Variants in ATP9A observed in about 807,000 individuals in gnomAD.
ATP9A encodes ATPase phospholipid transporting 9A, also known as probable phospholipid-transporting ATPase IIA.
Under a neutral mutation model 144.1 loss-of-function variants are expected in ATP9A, and 52 were observed. The observed-to-expected ratio is 0.36, with a 90% confidence interval of 0.29 to 0.45. The LOEUF (loss-of-function observed/expected upper bound fraction) is 0.45. Among genes scored for constraint, ATP9A ranks in the 20% least tolerant of loss-of-function variants. ATP9A has a pLI of 1.00. For missense variants in ATP9A, 947 were observed against 1,392.7 expected (o/e 0.68, Z 5.09); for synonymous variants, 582 against 557.4 (o/e 1.04, Z -0.62).
chr20:51,726,980 T>C (rs908937165), intron 2 of ATP9A, among the ~76,000 whole-genome samples: 3 of 140,756 alleles, frequency 2.1e-5, no homozygotes, highest in African/African-American at 7.9e-5. Flanking sequence ...TGCTATAAGG[T>C]TGAGTGCAAA....
At chr20:51,662,142 G>A (rs1488740839) in intron 13 of ATP9A, among the ~76,000 whole-genome samples, 1 of 152,348 alleles carries the variant, frequency 6.6e-6, no homozygotes, top group South Asian at 2.1e-4. Context: ...CCAGGGCTTA[G>A]GACCAGGGTG....
At chr20:51,678,524 C>T (rs542091396) in intron 9 of ATP9A, among the ~76,000 whole-genome samples, 3 of 152,316 alleles carry the variant, frequency 2.0e-5, no homozygotes, top group African/African-American at 7.2e-5. Context: ...TCCAAGGAGG[C>T]TCCCGGCAGA....
intron 14 of ATP9A, among the ~76,000 whole-genome samples, chr20:51,643,057 C>A (rs1264416319): frequency 6.6e-6 from 1 of 152,176 alleles, no homozygotes; most frequent in Non-Finnish European, 1.5e-5. Context: ...TATCTTTATG[C>A]ATCCTTAGTC....
chr20:51,639,954 C>T (rs1477607356), intron 14 of ATP9A, among the ~76,000 whole-genome samples: 6 of 152,010 alleles, frequency 3.9e-5, no homozygotes, highest in Non-Finnish European at 5.9e-5. Flanking sequence ...GGCATGGTGG[C>T]GGACACCTGT....
chr20:51,752,597 C>T (rs1216929731), intron 1 of ATP9A, among the ~76,000 whole-genome samples: 2 of 151,270 alleles, frequency 1.3e-5, no homozygotes, highest in Non-Finnish European at 3.0e-5. Flanking sequence ...TTCAAACAGC[C>T]GGCAATTCTC....
Position 51,601,154 on chromosome 20 carries a change from G to A in ATP9A, c.*57C>T, listed in dbSNP as rs2077141101. 1 of 1,518,568 alleles carries A rather than the reference G, an allele frequency of 6.6e-7. No homozygotes were observed. The highest frequency in any genetic ancestry group is 8.8e-7 in the Non-Finnish European group (1 of 1,132,892). The allele number at this position is 1,518,568 out of a possible 1,614,324, so 94.1% of individuals were successfully genotyped here. On this transcript the variant is annotated 3_prime_UTR_variant, in exon 28 of 28. Transcript: ENST00000338821. ...GTGGCGGTTAATATAAATGGAACTT[G>A]AGCTCTGTCCATCAGGGAAGCGCCA...
intron 4 of ATP9A, among the ~76,000 whole-genome samples, chr20:51,705,160 T>G (rs941194220): frequency 6.6e-6 from 1 of 152,228 alleles, no homozygotes; most frequent in African/African-American, 2.4e-5. Flanking sequence ...TCCCCATTAA[T>G]GAATGCACCT....
chr20:51,620,696 C>T lies in ATP9A; in HGVS notation c.2115+1378G>A, dbSNP rs1019210087. 3.9e-5 allele frequency among the ~76,000 whole-genome samples: 6 copies of T among 152,092 alleles called. No individual in the cohort carries two copies. The South Asian group carries it at 6.2e-4, about 16-fold the overall frequency. ...AAGCGCTGTGTGCGGCCATTTTAAACGACAAACTGCCAACAAAAAGCATAA... is the reference window on the plus strand; with the variant it reads ...AAGCGCTGTGTGCGGCCATTTTAAATGACAAACTGCCAACAAAAAGCATAA... On this transcript the variant is annotated intron_variant, in intron 19 of 27. Coordinates refer to ENST00000338821, the MANE Select transcript of ATP9A (RefSeq NM_006045.3).
At chr20:51,683,872 G>A (rs1293569606) in intron 9 of ATP9A, among the ~76,000 whole-genome samples, 1 of 152,104 alleles carries the variant, frequency 6.6e-6, no homozygotes, top group Middle Eastern at 3.2e-3. Flanking sequence ...GTATTTTAAT[G>A]TAAGACTATA....
At chr20:51,741,516 G>A (rs1423984772) in intron 1 of ATP9A, among the ~76,000 whole-genome samples, 1 of 152,098 alleles carries the variant, frequency 6.6e-6, no homozygotes. Flanking sequence ...GGCTGAGGTT[G>A]CAGTGAGCCG....
At chr20:51,728,403 G>A (rs1201315512) in intron 2 of ATP9A, among the ~76,000 whole-genome samples, 1 of 152,046 alleles carries the variant, frequency 6.6e-6, no homozygotes, top group Non-Finnish European at 1.5e-5. Flanking sequence ...AAGGTGGGTG[G>A]ATCACCTGAG....
chr20:51,654,264 C>T (rs1037286844), intron 14 of ATP9A, among the ~76,000 whole-genome samples: 8 of 152,038 alleles, frequency 5.3e-5, no homozygotes, highest in African/African-American at 1.9e-4. Flanking sequence ...GAGGAGTCTC[C>T]CAGGTGACAA....
intron 21 of ATP9A, 96 bp downstream of exon 21, chr20:51,618,566 T>C (rs2077212840): frequency 4.7e-6 from 7 of 1,477,946 alleles, no homozygotes; most frequent in South Asian, 1.3e-5. Flanking sequence ...CCTGGGGAAT[T>C]TGAAGAAAGA....
At chr20:51,610,266 G>A (rs550924630) in intron 23 of ATP9A, 101 bp from the exon 24 acceptor site, 228 of 900,260 alleles carry the variant, frequency 2.5e-4, no homozygotes, top group South Asian at 7.5e-4. Context: ...CACCCGCGCC[G>A]GCACTGCTGT....
chr20:51,720,006 G>A (rs2077681937), intron 3 of ATP9A, among the ~76,000 whole-genome samples: 1 of 150,974 alleles, frequency 6.6e-6, no homozygotes, highest in South Asian at 2.1e-4. Flanking sequence ...CCCAGATCAT[G>A]CCACTGCACT....
At chr20:51,716,819 A>G (rs1457476202) in intron 3 of ATP9A, among the ~76,000 whole-genome samples, 1 of 152,162 alleles carries the variant, frequency 6.6e-6, no homozygotes, top group Non-Finnish European at 1.5e-5. Flanking sequence ...AGTAGAAAGG[A>G]TCATTCCTTT....
intron 7 of ATP9A, among the ~76,000 whole-genome samples, chr20:51,693,789 G>A (rs915041128): frequency 6.6e-6 from 1 of 152,134 alleles, no homozygotes; most frequent in Non-Finnish European, 1.5e-5. Context: ...GCTCCTTATG[G>A]TTTTTAGCTT....
At position 51,641,537 on chromosome 20, in the gene ATP9A, G is replaced by A. The variant is rs1180861442; in HGVS notation, c.1507-2033C>T. On this transcript the variant is annotated intron_variant, in intron 14 of 27. Transcript: ENST00000338821. ...GTCTCAAAAACATAATAATAGAGCC[G>A]GGCGCGGTGGCTCACACCTGTAATC... Among the ~76,000 whole-genome samples the A allele has an allele frequency of 8.0e-5, 12 of 150,876 alleles. 1 individual carries two copies. Among genetic ancestry groups the A allele is most frequent in the Non-Finnish European group, 1.5e-4 (10 of 67,756 alleles).
chr20:51,635,825 GGAGGGAGGGAGGGAGGGAAA>G (rs1242863822), intron 15 of ATP9A, among the ~76,000 whole-genome samples: 22 of 81,460 alleles, frequency 2.7e-4, no homozygotes, highest in South Asian at 4.2e-4. Context: ...AGGAAGGAAG[GGAGGGAGGGAGGGAGGGAAA>G]AAGGAAGGAA....
Sources: gnomAD v4.1 joint callset for allele counts (sites outside exome capture counted in the v4.1 genomes callset) on GRCh38, gnomAD v4.1.1 for gene constraint, MANE v1.5 for transcripts, NCBI Gene and HGNC (gene_info 2026-07-23, HGNC 2026-07-21) for gene names.